The following TRIP12 variants were observed in gnomAD, a reference collection of about 807,000 sequenced individuals.
TRIP12 encodes the protein thyroid hormone receptor interactor 12.
Under a neutral mutation model 244.2 loss-of-function variants are expected in TRIP12, and 25 were observed. The ratio of observed to expected loss-of-function variants is 0.10; its 90% CI spans 0.07 to 0.14. The LOEUF (loss-of-function observed/expected upper bound fraction) is 0.14, where lower values mean the gene tolerates loss of function less well. Among genes scored for constraint, TRIP12 ranks in the 10% least tolerant of loss-of-function variants. The pLI is 1.00. For synonymous variants in TRIP12, 905 were observed against 873.1 expected (o/e 1.04, Z -0.64); for missense variants, 1,677 against 2,486.4 (o/e 0.67, Z 6.92).
intron 8 of TRIP12, among the ~76,000 whole-genome samples, chr2:229,822,153 C>T (rs919402140): frequency 6.6e-6 from 1 of 152,030 alleles, no homozygotes; most frequent in Non-Finnish European, 1.5e-5. Context: ...AACAAACAAA[C>T]AAACAAACAA....
chr2:229,874,838 A>G (rs2063310115), intron 2 of TRIP12, among the ~76,000 whole-genome samples: 1 of 152,192 alleles, frequency 6.6e-6, no homozygotes, highest in Non-Finnish European at 1.5e-5. Flanking sequence ...ATATAGTTAA[A>G]TCAACCTTGA....
chr2:229,869,478 A>G (rs2062140416), intron 2 of TRIP12, among the ~76,000 whole-genome samples: 1 of 152,214 alleles, frequency 6.6e-6, no homozygotes, highest in Non-Finnish European at 1.5e-5. Context: ...TCAGCCTCAG[A>G]GCCCAGATCA....
At chr2:229,799,559 G>C (rs1026316813) in intron 21 of TRIP12, among the ~76,000 whole-genome samples, 176 bp from the exon 22 acceptor site, 1 of 152,126 alleles carries the variant, frequency 6.6e-6, no homozygotes, top group South Asian at 2.1e-4. Flanking sequence ...GGCAGATCAC[G>C]AGGTCAGGAG....
intron 31 of TRIP12, 103 bp from the exon 32 acceptor site, chr2:229,789,043 T>A: frequency 3.7e-6 from 4 of 1,094,260 alleles, no homozygotes; most frequent in Non-Finnish European, 5.2e-6. Context: ...GTACCCTGAA[T>A]TCACGTGTTG....
In TRIP12 at chr2:229,912,575, A is replaced by C. The variant is rs566842945; in HGVS notation, c.-50+9305T>G. ...CATTCTTCTATATCTTCCTCCAAAC[A>C]ATCAGGGCCAGTTTAAGCCCCTCTC... On this transcript the variant is annotated intron_variant, in intron 1 of 41. Coordinates refer to ENST00000675903, the MANE Select transcript of TRIP12 (RefSeq NM_001348323.3). Among the ~76,000 whole-genome samples, 26 of 152,238 alleles carry C rather than the reference A, an allele frequency of 1.7e-4. No individual in the cohort carries two copies. In the South Asian group the frequency reaches 2.1e-3, roughly 12 times the overall value.
At chr2:229,862,688 C>G (rs1019589273) in intron 2 of TRIP12, among the ~76,000 whole-genome samples, 3 of 152,114 alleles carry the variant, frequency 2.0e-5, no homozygotes, top group Admixed American at 6.5e-5. Flanking sequence ...GAAACCGGCC[C>G]ATATGAAACT....
At chr2:229,878,023 A>C (rs1012136255) in intron 2 of TRIP12, among the ~76,000 whole-genome samples, 6 of 152,256 alleles carry the variant, frequency 3.9e-5, no homozygotes, top group Non-Finnish European at 8.8e-5. Context: ...ATAAGTGATA[A>C]GAGCTTAACA....
intron 5 of TRIP12, among the ~76,000 whole-genome samples, chr2:229,838,123 A>C (rs1220264140): frequency 2.6e-5 from 4 of 152,190 alleles, no homozygotes; most frequent in Admixed American, 6.5e-5. Flanking sequence ...CCTACAAAGG[A>C]AGGCTCTGGC....
chr2:229,856,838 G>T (rs2059686774), intron 4 of TRIP12, among the ~76,000 whole-genome samples: 1 of 152,156 alleles, frequency 6.6e-6, no homozygotes, highest in African/African-American at 2.4e-5. Flanking sequence ...TACTGATCTA[G>T]CCTATCTTAA....
At chr2:229,840,473 G>A (rs2056120564) in intron 5 of TRIP12, among the ~76,000 whole-genome samples, 1 of 152,134 alleles carries the variant, frequency 6.6e-6, no homozygotes, top group African/African-American at 2.4e-5. Flanking sequence ...AGGCTGAGGA[G>A]GGTGGATCAC....
At chr2:229,810,838 C>A in intron 15 of TRIP12, 42 bp downstream of exon 15, 5 of 1,596,840 alleles carry the variant, frequency 3.1e-6, no homozygotes, top group Non-Finnish European at 4.3e-6. Flanking sequence ...AATGAAGAAC[C>A]AACTTTTCCT....
intron 8 of TRIP12, 96 bp downstream of exon 8, chr2:229,829,097 T>A: frequency 1.8e-6 from 2 of 1,137,900 alleles, no homozygotes; most frequent in Non-Finnish European, 2.5e-6. Flanking sequence ...TTAAAGTTGA[T>A]GAAAAACTTC....
intron 13 of TRIP12, among the ~76,000 whole-genome samples, chr2:229,811,626 T>C (rs1458713648): frequency 6.6e-6 from 1 of 152,146 alleles, no homozygotes; most frequent in East Asian, 1.9e-4. Context: ...TTCTTGACAA[T>C]GTTAAAAATA....
At chr2:229,907,401 G>A (rs1296349806) in intron 1 of TRIP12, among the ~76,000 whole-genome samples, 1 of 152,172 alleles carries the variant, frequency 6.6e-6, no homozygotes, top group Non-Finnish European at 1.5e-5. Flanking sequence ...CACTCGCAAT[G>A]ATCTCATTTC....
At chr2:229,792,124 TTA>T (rs2041683637) in intron 28 of TRIP12, 27 bp downstream of exon 28, 1 of 1,613,840 alleles carries the variant, frequency 6.2e-7, no homozygotes, top group Admixed American at 1.7e-5. Context: ...ATATAGTACA[TTA>T]TACATGGTGG....
chr2:229,898,465 G>A (rs577317509), intron 1 of TRIP12, among the ~76,000 whole-genome samples: 4 of 152,186 alleles, frequency 2.6e-5, no homozygotes, highest in African/African-American at 7.2e-5. Context: ...AAAGTAAGAC[G>A]CAAAGGAAAT....
chr2:229,874,854 C>A (rs903870289), intron 2 of TRIP12, among the ~76,000 whole-genome samples: 6 of 152,164 alleles, frequency 3.9e-5, no homozygotes, highest in Non-Finnish European at 8.8e-5. Context: ...CTTGAAGACA[C>A]TACCACTAAA....
intron 21 of TRIP12, among the ~76,000 whole-genome samples, chr2:229,801,159 G>A (rs887003265): frequency 2.0e-5 from 3 of 152,142 alleles, no homozygotes; most frequent in African/African-American, 7.2e-5. Context: ...AAAAGCAACT[G>A]CAGAATCAGG....
intron 4 of TRIP12, among the ~76,000 whole-genome samples, chr2:229,847,882 AAGTACAC>A (rs1288139897): frequency 1.3e-5 from 2 of 152,206 alleles, no homozygotes; most frequent in Non-Finnish European, 2.9e-5. Flanking sequence ...TTCCTGACTA[AAGTACAC>A]AGTACAAATA....
Sources: gnomAD v4.1 joint callset for allele counts (sites outside exome capture counted in the v4.1 genomes callset) on GRCh38, gnomAD v4.1.1 for gene constraint, MANE v1.5 for transcripts, NCBI Gene and HGNC (gene_info 2026-07-23, HGNC 2026-07-21) for gene names.